Variants in WDR93 observed in about 807,000 individuals in gnomAD.
WDR93 encodes the protein WD repeat-containing protein 93.
WDR93 carries 73 observed loss-of-function variants against 82.9 expected under a neutral mutation model. The ratio of observed to expected loss-of-function variants is 0.88; its 90% CI spans 0.73 to 1.07. The LOEUF (loss-of-function observed/expected upper bound fraction) is 1.07, where lower values mean the gene tolerates loss of function less well. Ranked by LOEUF, WDR93 falls within the 50% of genes least tolerant of loss-of-function variation. The pLI is 0.00. For missense variants in WDR93, 738 were observed against 826.0 expected, an observed-to-expected ratio of 0.89 and a Z score of 1.31; for synonymous variants, 283 against 300.1, an observed-to-expected ratio of 0.94 and a Z score of 0.59.
intron 13 of WDR93, among the ~76,000 whole-genome samples, chr15:89,734,023 ATG>A (rs1029849051): frequency 6.6e-6 from 1 of 151,354 alleles, no homozygotes; most frequent in Non-Finnish European, 1.5e-5. Context: ...GCGCGCGCGC[ATG>A]TGTGTACGTG....
Position 89,705,559 on chromosome 15 carries a change from A to C in WDR93, c.502A>C (p.Ile168Leu), listed in dbSNP as rs1447297906. Residue 168 changes from isoleucine to leucine, a missense_variant, in exon 4 of 17, where the codon ATT becomes CTT. Ile to Leu is a conservative substitution (Grantham distance 5, BLOSUM62 2). Coordinates refer to ENST00000268130, the MANE Select transcript of WDR93 (RefSeq NM_020212.2). ...LIAPVDEMGIIRLFYFYKEGL... is the reference protein window; with the variant it reads ...LIAPVDEMGILRLFYFYKEGL... ...CACTTATTTTTCTGTTTCAGGTATC[A>C]TTAGACTCTTTTATTTTTATAAGGA... 6.6e-7 allele frequency: 1 copy of C among 1,525,682 alleles called. No individual in the cohort carries two copies. The highest frequency in any genetic ancestry group is 9.1e-7 in the Non-Finnish European group (1 of 1,099,284). 94.5% of individuals were successfully genotyped at this position (1,525,682 alleles called of 1,614,324 possible). A position where few individuals can be genotyped will look rare whatever the true frequency, so the allele number is the denominator to read the frequency against.
At chr15:89,711,610 G>A (rs1965982922) in intron 4 of WDR93, among the ~76,000 whole-genome samples, 1 of 151,638 alleles carries the variant, frequency 6.6e-6, no homozygotes, top group Non-Finnish European at 1.5e-5. Flanking sequence ...TCATACTAAG[G>A]TTACATTCAG....
At position 89,722,132 on chromosome 15, in the gene WDR93, T is replaced by A; in HGVS notation, c.873T>A (p.Pro291=). 1 of 1,600,584 alleles carries A rather than the reference T, an allele frequency of 6.2e-7. No homozygotes were observed. Among genetic ancestry groups the A allele is most frequent in the Non-Finnish European group, 8.5e-7 (1 of 1,173,048 alleles). Residue 291 remains proline (P), a synonymous_variant, in exon 8 of 17, where the codon CCT becomes CCA. Transcript: ENST00000268130. ...TAATGAAGATCAAACCACCTAAGCCTGTTACAGGTAAGTGTGATTCAAATC... is the reference window on the plus strand; with the variant it reads ...TAATGAAGATCAAACCACCTAAGCCAGTTACAGGTAAGTGTGATTCAAATC... ...VYIMKIKPPK[P]VTGTTFKSPL...
At chr15:89,703,190 G>T in intron 3 of WDR93, 48 bp downstream of exon 3, 1 of 1,590,418 alleles carries the variant, frequency 6.3e-7, no homozygotes, top group South Asian at 1.1e-5. Context: ...GGTACCTGTA[G>T]ACTGTTGTCA....
At chr15:89,715,216 A>G in intron 6 of WDR93, 121 bp downstream of exon 6, 1 of 746,228 alleles carries the variant, frequency 1.3e-6, no homozygotes, top group Non-Finnish European at 2.1e-6. Flanking sequence ...GACAACAGGA[A>G]TATTGGCCCC....
At chr15:89,722,220 C>T in intron 8 of WDR93, 81 bp downstream of exon 8, 1 of 1,131,206 alleles carries the variant, frequency 8.8e-7, no homozygotes, top group Non-Finnish European at 1.3e-6. Context: ...ATCTTTTCAA[C>T]TTATTAGCAA....
intron 6 of WDR93, among the ~76,000 whole-genome samples, chr15:89,715,775 G>A (rs1966220720): frequency 1.3e-5 from 2 of 151,934 alleles, no homozygotes; most frequent in Admixed American, 6.6e-5. Flanking sequence ...TAGTAGAGAC[G>A]GGGTTTCACT....
chr15:89,724,700 C>A (rs1464093240), intron 8 of WDR93, among the ~76,000 whole-genome samples: 1 of 152,102 alleles, frequency 6.6e-6, no homozygotes, highest in African/African-American at 2.4e-5. Context: ...GACCAATAAA[C>A]ATGAAAAGGT....
intron 1 of WDR93, among the ~76,000 whole-genome samples, chr15:89,692,991 TTTTC>T (rs1388214094): frequency 2.0e-5 from 3 of 152,228 alleles, no homozygotes; most frequent in African/African-American, 7.2e-5. Context: ...TTTTCTTTTC[TTTTC>T]TGATTTATTT....
intron 1 of WDR93, among the ~76,000 whole-genome samples, chr15:89,692,387 G>A (rs1409488241): frequency 2.0e-5 from 3 of 152,186 alleles, no homozygotes; most frequent in Non-Finnish European, 4.4e-5. Context: ...GAGCCTCGAA[G>A]AGAGCCAGAA....
chr15:89,727,154 T>G lies in WDR93; in HGVS notation c.881-3T>G. The G allele has an allele frequency of 6.2e-7, 1 of 1,613,102 alleles. No individual in the cohort carries two copies. The highest frequency in any genetic ancestry group is 8.5e-7 in the Non-Finnish European group (1 of 1,179,370). ...GACTAATTCTGTAATATTTTCAACC[T>G]AGGCACCACATTCAAAAGCCCCCTG... is the stretch of plus-strand genomic sequence containing the variant. On this transcript the variant is annotated splice_region_variant and splice_polypyrimidine_tract_variant and intron_variant, in intron 8 of 16. Transcript: ENST00000268130.
intron 4 of WDR93, among the ~76,000 whole-genome samples, chr15:89,709,369 A>G (rs766772009): frequency 3.7e-4 from 56 of 152,140 alleles, no homozygotes; most frequent in Non-Finnish European, 7.1e-4. Context: ...ACTAGAACTA[A>G]TTGCATTATC....
At chr15:89,693,274 C>T (rs1424897115) in intron 1 of WDR93, among the ~76,000 whole-genome samples, 1 of 152,212 alleles carries the variant, frequency 6.6e-6, no homozygotes, top group African/African-American at 2.4e-5. Flanking sequence ...TTGTAAGAAA[C>T]TGCCAAACTG....
At chr15:89,690,614 A>C, upstream of WDR93, 1 of 1,551,380 alleles carries the variant, frequency 6.4e-7, no homozygotes, top group Non-Finnish European at 8.7e-7. Context: ...TGGTTGGTGA[A>C]GCGGGTGAAG....
At chr15:89,740,380 A>G (rs1274408737) in intron 16 of WDR93, among the ~76,000 whole-genome samples, 1 of 152,202 alleles carries the variant, frequency 6.6e-6, no homozygotes, top group Admixed American at 6.5e-5. Context: ...GGAGACGAAT[A>G]TGGTCTCATG....
At chr15:89,696,464 T>C (rs371393018) in intron 1 of WDR93, among the ~76,000 whole-genome samples, 26 of 148,338 alleles carry the variant, frequency 1.8e-4, no homozygotes, top group African/African-American at 5.8e-4. Context: ...GAGGTTTTTG[T>C]GTGAACTTAC....
chr15:89,729,381 G>C (rs968544192), intron 10 of WDR93, among the ~76,000 whole-genome samples: 1 of 152,130 alleles, frequency 6.6e-6, no homozygotes, highest in Non-Finnish European at 1.5e-5. Context: ...TTGTCTTGTA[G>C]AAGATGTTAC....
At chr15:89,708,302 C>T (rs1259913034) in intron 4 of WDR93, among the ~76,000 whole-genome samples, 1 of 152,210 alleles carries the variant, frequency 6.6e-6, no homozygotes, top group East Asian at 1.9e-4. Context: ...CAAATTTCTG[C>T]TCATCGAAAG....
At chr15:89,700,834 G>A (rs1469605563) in intron 1 of WDR93, among the ~76,000 whole-genome samples, 2 of 151,826 alleles carry the variant, frequency 1.3e-5, no homozygotes, top group Non-Finnish European at 2.9e-5. Context: ...TGGGATTATG[G>A]GCATGAACCA....
Sources: gnomAD v4.1 joint callset for allele counts (sites outside exome capture counted in the v4.1 genomes callset) on GRCh38, gnomAD v4.1.1 for gene constraint, MANE v1.5 for transcripts, NCBI Gene and HGNC (gene_info 2026-07-23, HGNC 2026-07-21) for gene names.